The following CDK14 variants were observed in gnomAD, a reference collection of about 807,000 sequenced individuals.
The protein encoded by CDK14 is cyclin-dependent kinase 14.
In CDK14, 34 loss-of-function variants were observed where a neutral mutation model predicts 60.7. The ratio of observed to expected loss-of-function variants is 0.56; its 90% CI spans 0.43 to 0.75. The LOEUF (loss-of-function observed/expected upper bound fraction) is 0.75. Ranked by LOEUF, CDK14 falls within the 30% of genes least tolerant of loss-of-function variation. CDK14 has a pLI of 0.00. For synonymous variants in CDK14, 197 were observed against 203.7 expected (o/e 0.97, Z 0.28); for missense variants, 482 against 564.1 (o/e 0.85, Z 1.47).
rs374761130 is a variant in CDK14, at chr7:90,941,396, C to G, written c.827-14301C>G. Among the ~76,000 whole-genome samples the G allele has an allele frequency of 3.9e-4, 60 of 152,286 alleles. No individual in the cohort carries two copies. The East Asian group carries it at 0.01, about 26-fold the overall frequency. Reference sequence around the variant, plus strand: ...CCCCTAGATTTCTTTATGGCTTGGTCTCTTTCCAGGACATTGGGGCTCCTC... The same window carrying G: ...CCCCTAGATTTCTTTATGGCTTGGTGTCTTTCCAGGACATTGGGGCTCCTC... On this transcript the variant is annotated intron_variant, in intron 8 of 14. Transcript: ENST00000380050.
At chr7:91,117,935 T>G (rs966390417) in intron 13 of CDK14, 130 bp from the exon 14 acceptor site, 2 of 538,926 alleles carry the variant, frequency 3.7e-6, no homozygotes. Context: ...ATTTCAAAGA[T>G]CAAAACATAC....
chr7:91,174,275 A>G (rs1801645069), intron 14 of CDK14, among the ~76,000 whole-genome samples: 1 of 152,034 alleles, frequency 6.6e-6, no homozygotes, highest in African/African-American at 2.4e-5. Flanking sequence ...ACTAACAAAC[A>G]GAAAGGACAT....
intron 14 of CDK14, among the ~76,000 whole-genome samples, chr7:91,178,831 G>C (rs1325311340): frequency 2.6e-5 from 4 of 151,830 alleles, no homozygotes; most frequent in East Asian, 1.9e-4. Context: ...AGGATGTGGA[G>C]AAATAGGAAC....
At chr7:90,778,462 C>T (rs1016145480) in intron 4 of CDK14, among the ~76,000 whole-genome samples, 1 of 152,196 alleles carries the variant, frequency 6.6e-6, no homozygotes, top group African/African-American at 2.4e-5. Flanking sequence ...TTCTGACTGC[C>T]CTTCCGGCTC....
chr7:90,804,738 C>T (rs1315482073), intron 5 of CDK14, among the ~76,000 whole-genome samples: 1 of 151,888 alleles, frequency 6.6e-6, no homozygotes, highest in East Asian at 1.9e-4. Flanking sequence ...AACTGAATTC[C>T]TGGCTGTTTT....
intron 2 of CDK14, among the ~76,000 whole-genome samples, chr7:90,706,408 A>T (rs1241778159): frequency 6.6e-6 from 1 of 152,178 alleles, no homozygotes; most frequent in Non-Finnish European, 1.5e-5. Context: ...AACTTCTGTC[A>T]TCAGCAACTC....
chr7:91,143,303 G>A (rs1162535935), intron 14 of CDK14, among the ~76,000 whole-genome samples: 2 of 152,196 alleles, frequency 1.3e-5, no homozygotes, highest in Non-Finnish European at 2.9e-5. Flanking sequence ...AGAGAATGTA[G>A]TAAAGACCGT....
intron 5 of CDK14, among the ~76,000 whole-genome samples, chr7:90,856,887 C>T (rs1001552699): frequency 6.6e-6 from 1 of 152,014 alleles, no homozygotes; most frequent in African/African-American, 2.4e-5. Flanking sequence ...AGTAGTCATT[C>T]TGGGAAAGTC....
intron 10 of CDK14, among the ~76,000 whole-genome samples, chr7:91,042,225 A>C (rs1321096460): frequency 6.6e-6 from 1 of 152,134 alleles, no homozygotes; most frequent in African/African-American, 2.4e-5. Flanking sequence ...TGGAGAGCTG[A>C]AAGTGTTCTG....
chr7:91,156,511 C>T (rs1026877324), intron 14 of CDK14, among the ~76,000 whole-genome samples: 4 of 151,942 alleles, frequency 2.6e-5, no homozygotes, highest in Admixed American at 6.6e-5. Context: ...CTCAATATGG[C>T]TCACCATGAC....
intron 2 of CDK14, among the ~76,000 whole-genome samples, chr7:90,634,185 G>A (rs1474418601): frequency 1.3e-5 from 2 of 151,582 alleles, no homozygotes; most frequent in Admixed American, 6.6e-5. Flanking sequence ...TGCACAATGT[G>A]CAGGTTAGTT....
chr7:91,067,153 TGTC>T (rs1198898329), intron 11 of CDK14, among the ~76,000 whole-genome samples: 6 of 152,268 alleles, frequency 3.9e-5, no homozygotes, highest in African/African-American at 1.4e-4. Flanking sequence ...ATATGCTTGT[TGTC>T]AACTTGGGGC....
chr7:91,175,480 G>T (rs1360699995), intron 14 of CDK14, among the ~76,000 whole-genome samples: 1 of 152,016 alleles, frequency 6.6e-6, no homozygotes, highest in African/African-American at 2.4e-5. Flanking sequence ...AATGTAAATG[G>T]ACTAAATGCT....
At chr7:90,871,743 A>AT (rs1791378879) in intron 6 of CDK14, among the ~76,000 whole-genome samples, 1 of 152,196 alleles carries the variant, frequency 6.6e-6, no homozygotes, top group Non-Finnish European at 1.5e-5. Context: ...AACTGATACC[A>AT]TGACGTAGAT....
chr7:90,913,670 G>T (rs1792981573), intron 7 of CDK14, among the ~76,000 whole-genome samples: 1 of 152,194 alleles, frequency 6.6e-6, no homozygotes, highest in African/African-American at 2.4e-5. Context: ...TGTTGGGCCT[G>T]CAGAGCAGAG....
Position 91,206,742 on chromosome 7 carries a change from G to A in CDK14, c.*29-423G>A, listed in dbSNP as rs116597663. 4.8e-3 allele frequency among the ~76,000 whole-genome samples: 734 copies of A among 152,206 alleles called. 10 individuals are homozygous for A. The highest frequency in any genetic ancestry group is 0.016 in the African/African-American group (676 of 41,536). ...TATACAGCTGAATTTTTTTAAAAGC[G>A]TGTTTGTGATCCGTTTTTCTATTTC... On this transcript the variant is annotated intron_variant, in intron 14 of 14. Coordinates refer to ENST00000380050, the MANE Select transcript of CDK14 (RefSeq NM_001287135.2).
chr7:90,825,003 TCTC>T (rs1393916034), intron 5 of CDK14, among the ~76,000 whole-genome samples: 2 of 152,212 alleles, frequency 1.3e-5, no homozygotes, highest in African/African-American at 2.4e-5. Context: ...GCAATTAAAT[TCTC>T]CTCAGGAAAT....
chr7:90,875,957 A>G (rs1488888555), intron 6 of CDK14, among the ~76,000 whole-genome samples: 1 of 152,006 alleles, frequency 6.6e-6, no homozygotes, highest in African/African-American at 2.4e-5. Flanking sequence ...ATATTTTCTC[A>G]CTGAAAATAT....
intron 10 of CDK14, among the ~76,000 whole-genome samples, chr7:91,003,556 G>T (rs1795898934): frequency 6.6e-6 from 1 of 152,168 alleles, no homozygotes; most frequent in Non-Finnish European, 1.5e-5. Context: ...AGGTTCCTGG[G>T]TTTCTTTTAT....
Sources: allele counts gnomAD v4.1 joint callset (sites outside exome capture counted in the v4.1 genomes callset), GRCh38; gene constraint gnomAD v4.1.1; transcripts MANE v1.5; gene names NCBI Gene and HGNC (gene_info 2026-07-23, HGNC 2026-07-21).